The following TNS3 variants were observed in gnomAD, a reference collection of about 807,000 sequenced individuals.
TNS3 encodes tensin-3.
Under a neutral mutation model 140.9 loss-of-function variants are expected in TNS3, and 45 were observed. The observed-to-expected ratio is 0.32, with a 90% CI of 0.25 to 0.41. The LOEUF is 0.41. Among genes scored for constraint, TNS3 ranks in the 10% least tolerant of loss-of-function variants. The probability of loss-of-function intolerance (pLI) is 1.00; values close to 1 mark genes in which losing one functional copy is unlikely to be tolerated. For synonymous variants in TNS3, 815 were observed against 788.4 expected, an observed-to-expected ratio of 1.03 and a Z score of -0.56; for missense variants, 1,716 against 1,906.7, an observed-to-expected ratio of 0.90 and a Z score of 1.86.
intron 3 of TNS3, among the ~76,000 whole-genome samples, chr7:47,490,455 A>G (rs747087709): frequency 1.3e-5 from 2 of 152,252 alleles, no homozygotes; most frequent in Non-Finnish European, 2.9e-5. Context: ...GAACTCTGCC[A>G]TTCCCCCATC....
chr7:47,455,496 T>G (rs1223447871), intron 4 of TNS3, among the ~76,000 whole-genome samples: 1 of 152,084 alleles, frequency 6.6e-6, no homozygotes. Flanking sequence ...CAGAGAGGGC[T>G]CTGAGCAGCC....
chr7:47,275,791 C>T lies in TNS3; in HGVS notation c.*2285G>A, dbSNP rs760303356. 70 of 455,590 alleles carry T rather than the reference C, an allele frequency of 1.5e-4. 2 individuals carry two copies. The highest frequency in any genetic ancestry group is 1.1e-3 in the South Asian group (70 of 64,530). 28.2% of individuals were successfully genotyped at this position (455,590 alleles called of 1,614,324 possible). ...CGTTTACCTTGTGTAAAAATCACACCTGGCCAATGAGTTCAAAAAGCACGT... is the reference window on the plus strand; with the variant it reads ...CGTTTACCTTGTGTAAAAATCACACTTGGCCAATGAGTTCAAAAAGCACGT... On this transcript the variant is annotated 3_prime_UTR_variant, in exon 31 of 31. Coordinates refer to ENST00000311160, the MANE Select transcript of TNS3 (RefSeq NM_022748.12).
intron 11 of TNS3, among the ~76,000 whole-genome samples, chr7:47,414,545 G>C (rs554956624): frequency 2.6e-5 from 4 of 152,262 alleles, no homozygotes; most frequent in South Asian, 2.1e-4. Flanking sequence ...TGCACCTTTG[G>C]GGAACTGGGG....
intron 13 of TNS3, among the ~76,000 whole-genome samples, chr7:47,408,650 C>T (rs975310142): frequency 6.6e-6 from 1 of 152,206 alleles, no homozygotes; most frequent in African/African-American, 2.4e-5. Context: ...TCCTTACAAA[C>T]CTGCACTAGG....
chr7:47,363,156 A>ATG (rs1237204283), intron 17 of TNS3, among the ~76,000 whole-genome samples: 6 of 76,244 alleles, frequency 7.9e-5, no homozygotes, highest in Admixed American at 2.6e-4. Flanking sequence ...CATCATCATC[A>ATG]TCAGTCATCA....
At chr7:47,295,606 C>A (rs151035064) in intron 24 of TNS3, among the ~76,000 whole-genome samples, 2 of 152,320 alleles carry the variant, frequency 1.3e-5, no homozygotes, top group East Asian at 3.9e-4. Context: ...TTCTCCCCTA[C>A]ACAACGCCTT....
chr7:47,501,190 GAGGGAGGGAGGGA>G, intron 3 of TNS3, among the ~76,000 whole-genome samples: 1 of 41,538 alleles, frequency 2.4e-5, no homozygotes, highest in East Asian at 9.7e-4. Context: ...GGAAGGAAGG[GAGGGAGGGAGGGA>G]GGGAGGGAGG....
intron 4 of TNS3, among the ~76,000 whole-genome samples, chr7:47,462,320 A>C (rs1796523390): frequency 6.6e-6 from 1 of 152,042 alleles, no homozygotes; most frequent in African/African-American, 2.4e-5. Flanking sequence ...ATGCAACATG[A>C]TTTGCTTGTA....
chr7:47,367,724 C>T (rs1790790084), intron 17 of TNS3, among the ~76,000 whole-genome samples: 1 of 152,232 alleles, frequency 6.6e-6, no homozygotes, highest in Non-Finnish European at 1.5e-5. Flanking sequence ...AAGCCCCTCC[C>T]ATCACTGAGC....
chr7:47,506,246 G>A (rs538577159), intron 3 of TNS3, among the ~76,000 whole-genome samples: 5 of 152,152 alleles, frequency 3.3e-5, no homozygotes, highest in East Asian at 1.9e-4. Context: ...CTGAAGGTGC[G>A]AGCACCAAGA....
chr7:47,297,857 G>T (rs1006606829), intron 23 of TNS3, among the ~76,000 whole-genome samples: 5 of 148,086 alleles, frequency 3.4e-5, no homozygotes, highest in African/African-American at 1.3e-4. Flanking sequence ...GCATGGTCTC[G>T]GCTCACTGCA....
chr7:47,279,367 G>A (rs1028946053), intron 30 of TNS3: 3 of 152,278 alleles, frequency 2.0e-5, no homozygotes, highest in African/African-American at 4.8e-5. Context: ...GGCCAAGCAA[G>A]GCCACGGTAC....
chr7:47,283,737 C>A lies in TNS3; in HGVS notation c.4057G>T (p.Val1353Leu), dbSNP rs774587903. 1 of 1,604,280 alleles carries A rather than the reference C, an allele frequency of 6.2e-7. No homozygotes were observed. Among genetic ancestry groups the A allele is most frequent in the Non-Finnish European group, 8.5e-7 (1 of 1,175,464 alleles). ...PPVSTVVHFKVSAQGITLTDN... is the reference protein window; with the variant it reads ...PPVSTVVHFKLSAQGITLTDN... Reference sequence around the variant, plus strand: ...GTCAGGGTGATGCCCTGGGCTGACACCTTGAAGTGCACAACTGTGGACACA... The same window carrying A: ...GTCAGGGTGATGCCCTGGGCTGACAACTTGAAGTGCACAACTGTGGACACA... The change falls in exon 28 of 31, where the codon GTG (valine) becomes TTG (leucine). Residue 1353 changes from valine (V) to leucine (L), a missense_variant. Around this residue, in one of 3 missense-constraint regions of TNS3, gnomAD observed 216 missense variants for 295.7 expected, o/e 0.73. Transcript: ENST00000311160.
rs545166911 is a variant in TNS3, at chr7:47,341,756, G to T, written c.2650+2999C>A. Among the ~76,000 whole-genome samples, 23 of 151,522 alleles carry T rather than the reference G, an allele frequency of 1.5e-4. 1 individual carries two copies. In the South Asian group the frequency reaches 4.6e-3, roughly 30 times the overall value. ...TTTTATTATCTCCTTCCTTCTGCTTGCCTTGGGTCTAGTTTGTTCTCCTTT... is the reference window on the plus strand; with the variant it reads ...TTTTATTATCTCCTTCCTTCTGCTTTCCTTGGGTCTAGTTTGTTCTCCTTT... On this transcript the variant is annotated intron_variant, in intron 20 of 30. Coordinates refer to ENST00000311160, the MANE Select transcript of TNS3 (RefSeq NM_022748.12).
chr7:47,324,676 T>C (rs1787930648), intron 20 of TNS3, among the ~76,000 whole-genome samples: 1 of 152,158 alleles, frequency 6.6e-6, no homozygotes, highest in East Asian at 1.9e-4. Flanking sequence ...CACTTGAACC[T>C]GGGAGGCGAA....
At chr7:47,482,304 C>A (rs997057382) in intron 3 of TNS3, among the ~76,000 whole-genome samples, 2 of 152,192 alleles carry the variant, frequency 1.3e-5, no homozygotes, top group African/African-American at 4.8e-5. Context: ...GCTTATCTTA[C>A]GCAGTCCAGT....
At chr7:47,290,839 G>A (rs1785655692) in intron 27 of TNS3, among the ~76,000 whole-genome samples, 1 of 152,168 alleles carries the variant, frequency 6.6e-6, no homozygotes, top group Non-Finnish European at 1.5e-5. Flanking sequence ...TGGTATCTAC[G>A]CACAGGAGTT....
chr7:47,465,361 G>T (rs1796662877), intron 4 of TNS3, among the ~76,000 whole-genome samples: 1 of 152,170 alleles, frequency 6.6e-6, no homozygotes, highest in African/African-American at 2.4e-5. Flanking sequence ...AAAGGACGCT[G>T]GCTTGGGAAA....
chr7:47,422,083 T>A (rs763678515), intron 10 of TNS3, among the ~76,000 whole-genome samples: 8 of 152,282 alleles, frequency 5.3e-5, no homozygotes, highest in Non-Finnish European at 1.0e-4. Flanking sequence ...TCCTCCAGAT[T>A]TATCTTATGC....
Sources: allele counts gnomAD v4.1 joint callset (sites outside exome capture counted in the v4.1 genomes callset), GRCh38; gene constraint gnomAD v4.1.1; regional missense constraint gnomAD v4.1.1; transcripts MANE v1.5; gene names NCBI Gene and HGNC (gene_info 2026-07-23, HGNC 2026-07-21).